RNF175: variants seen among roughly 807,000 people sequenced by gnomAD.
RNF175 encodes the protein ring finger protein 175.
A neutral mutation model predicts 50.0 loss-of-function variants in RNF175; 38 were observed. That is an observed-to-expected ratio of 0.76 (90% CI 0.59 to 1.00). RNF175 has a LOEUF of 1.00. Among genes scored for constraint, RNF175 ranks in the 50% least tolerant of loss-of-function variants. RNF175 has a pLI of 0.00. For synonymous variants in RNF175, 155 were observed against 146.1 expected (o/e 1.06, Z -0.44); for missense variants, 388 against 409.6 (o/e 0.95, Z 0.46).
intron 6 of RNF175, 70 bp from the exon 7 acceptor site, chr4:153,715,732 A>G: frequency 6.6e-7 from 1 of 1,506,188 alleles, no homozygotes; most frequent in Non-Finnish European, 9.0e-7. Context: ...GCAGGAAGCC[A>G]CTGCCAGGCA....
At chr4:153,720,343 A>C in intron 5 of RNF175, 39 bp from the exon 6 acceptor site, 2 of 1,580,188 alleles carry the variant, frequency 1.3e-6, no homozygotes, top group Non-Finnish European at 1.7e-6. Flanking sequence ...AGAATGTGGC[A>C]TATTTCCAAA....
At chr4:153,732,461 A>C (rs188060199) in intron 3 of RNF175, among the ~76,000 whole-genome samples, 1 of 152,358 alleles carries the variant, frequency 6.6e-6, no homozygotes, top group Admixed American at 6.5e-5. Context: ...TCATTTTAAA[A>C]AGATTTGAGC....
In RNF175 at chr4:153,759,934, G is replaced by A; in HGVS notation, c.-72C>T. 1.1e-6 allele frequency: 1 copy of A among 906,514 alleles called. No homozygotes were observed. Among genetic ancestry groups the A allele is most frequent in the Non-Finnish European group, 1.5e-6 (1 of 675,318 alleles). 56.2% of individuals were successfully genotyped at this position (906,514 alleles called of 1,614,324 possible). ...GGTCCCGCAGAGTCCGCAGAAGGAG[G>A]CGCCGCGGGGCCTCGGGAGCCGAGG... On this transcript the variant is annotated 5_prime_UTR_variant, in exon 1 of 9. Transcript: ENST00000347063.
chr4:153,742,455 C>A (rs931752097), intron 3 of RNF175, among the ~76,000 whole-genome samples: 4 of 152,100 alleles, frequency 2.6e-5, no homozygotes, highest in Non-Finnish European at 5.9e-5. Flanking sequence ...TAGCAAACTG[C>A]TTTTACAGCA....
intron 6 of RNF175, among the ~76,000 whole-genome samples, chr4:153,716,742 G>A (rs9998345): frequency 0.023 from 3,465 of 152,288 alleles, 139 homozygotes; most frequent in African/African-American, 0.078. Context: ...TGGCAGGCCA[G>A]CAGGCTGGAA....
chr4:153,751,351 A>G (rs1422340803), intron 2 of RNF175, 87 bp downstream of exon 2: 1 of 986,940 alleles, frequency 1.0e-6, no homozygotes, highest in African/African-American at 1.6e-5. Flanking sequence ...TTTACAAATA[A>G]AATGATGACT....
chr4:153,710,414 C>T lies in RNF175; in HGVS notation c.942G>A (p.Val314=). The stretch of plus-strand genomic sequence containing the variant: ...AGATAATGCCTTGAACTATTCCTAT[C>T]ACCACAGGTTGCCAGGCCACCAAAT... ...LRYLVAWQPV[V]IGIVQGIIYS... is the part of the protein sequence containing the mutation. The change falls in exon 9 of 9, where the codon GTG becomes GTA. Residue 314 remains valine (V), a synonymous_variant. Transcript: ENST00000347063. The T allele has an allele frequency of 1.9e-6, 3 of 1,578,338 alleles. No individual in the cohort carries two copies. Among genetic ancestry groups the T allele is most frequent in the African/African-American group, 1.3e-5 (1 of 74,386 alleles).
rs185789230 is a variant in RNF175 at position 153,722,646 on chromosome 4, G to C, written c.509+705C>G. Among the ~76,000 whole-genome samples, 452 of 152,004 alleles carry C rather than the reference G, an allele frequency of 3.0e-3. 5 individuals are homozygous for C. Among genetic ancestry groups the C allele is most frequent in the African/African-American group, 0.01 (429 of 41,444 alleles). ...CACTCACTTTTTCCTCCTTTTCCAAGTATCCCCAACACAAGGCATTTCATG... is the reference window on the plus strand; with the variant it reads ...CACTCACTTTTTCCTCCTTTTCCAACTATCCCCAACACAAGGCATTTCATG... On this transcript the variant is annotated intron_variant, in intron 5 of 8. Coordinates refer to ENST00000347063, the MANE Select transcript of RNF175 (RefSeq NM_173662.4).
chr4:153,753,266 G>A (rs186329459), intron 1 of RNF175, among the ~76,000 whole-genome samples: 1 of 152,328 alleles, frequency 6.6e-6, no homozygotes, highest in East Asian at 1.9e-4. Flanking sequence ...TGCAACCGGG[G>A]TTAGTAACAG....
intron 3 of RNF175, among the ~76,000 whole-genome samples, chr4:153,747,924 C>T (rs1474425070): frequency 6.6e-6 from 1 of 152,306 alleles, no homozygotes; most frequent in Non-Finnish European, 1.5e-5. Context: ...CTAGAAAGTA[C>T]AAGACAGAGG....
chr4:153,734,746 G>A (rs1739259481), intron 3 of RNF175, among the ~76,000 whole-genome samples: 1 of 133,820 alleles, frequency 7.5e-6, no homozygotes, highest in African/African-American at 2.9e-5. Flanking sequence ...CGTGATCTCG[G>A]CTCACTGCAA....
chr4:153,749,643 C>T (rs888028598), intron 2 of RNF175, among the ~76,000 whole-genome samples: 5 of 152,138 alleles, frequency 3.3e-5, no homozygotes, highest in African/African-American at 9.7e-5. Context: ...TCTCTTTTAA[C>T]GTTCTGGGGT....
At chr4:153,716,765 T>C (rs1180635326) in intron 6 of RNF175, among the ~76,000 whole-genome samples, 3 of 152,318 alleles carry the variant, frequency 2.0e-5, no homozygotes, top group East Asian at 1.9e-4. Flanking sequence ...TCTGGCAAGA[T>C]TGATGTTGCA....
At chr4:153,750,827 TTCA>T (rs1389690460) in intron 2 of RNF175, among the ~76,000 whole-genome samples, 2 of 151,028 alleles carry the variant, frequency 1.3e-5, no homozygotes, top group African/African-American at 4.8e-5. Flanking sequence ...AAAGAGTGAC[TTCA>T]TCATCAGTCT....
At chr4:153,715,878 G>A (rs1204920594) in intron 6 of RNF175, among the ~76,000 whole-genome samples, 1 of 151,780 alleles carries the variant, frequency 6.6e-6, no homozygotes, top group Non-Finnish European at 1.5e-5. Flanking sequence ...CGTGGCCAAC[G>A]GGGTGAAACC....
At chr4:153,726,969 AT>A (rs774930046) in intron 4 of RNF175, among the ~76,000 whole-genome samples, 2 of 152,354 alleles carry the variant, frequency 1.3e-5, no homozygotes, top group South Asian at 4.1e-4. Flanking sequence ...GCATTTGGGT[AT>A]TTCTTGTAAT....
intron 4 of RNF175, among the ~76,000 whole-genome samples, chr4:153,726,342 C>T (rs1285888147): frequency 5.9e-5 from 9 of 152,174 alleles, no homozygotes; most frequent in African/African-American, 1.9e-4. Context: ...TGACCTCAGG[C>T]GATCCACCCA....
intron 4 of RNF175, chr4:153,727,478 A>G (rs1277942187): frequency 6.6e-6 from 1 of 152,262 alleles, no homozygotes; most frequent in East Asian, 1.9e-4. Flanking sequence ...ACAAATGTCT[A>G]AATAATCATA....
At chr4:153,755,659 C>T (rs886993556) in intron 1 of RNF175, among the ~76,000 whole-genome samples, 7 of 125,044 alleles carry the variant, frequency 5.6e-5, no homozygotes, top group African/African-American at 1.8e-4. Context: ...CCTCACATCC[C>T]CCACCCCCGC....
Sources: allele counts gnomAD v4.1 joint callset (sites outside exome capture counted in the v4.1 genomes callset), GRCh38; gene constraint gnomAD v4.1.1; transcripts MANE v1.5; gene names NCBI Gene and HGNC (gene_info 2026-07-23, HGNC 2026-07-21).